The following ADGRB3 variants were observed in gnomAD, a reference collection of about 807,000 sequenced individuals.
The protein encoded by ADGRB3 is adhesion G protein-coupled receptor B3, also known as brain-specific angiogenesis inhibitor 3.
Under a neutral mutation model 193.4 loss-of-function variants are expected in ADGRB3, and 37 were observed. The ratio of observed to expected loss-of-function variants is 0.19; its 90% CI spans 0.15 to 0.25. ADGRB3 has a LOEUF of 0.25. ADGRB3 is among the 10% of genes least tolerant of loss of function. The probability of loss-of-function intolerance (pLI) is 1.00; values close to 1 mark genes in which losing one functional copy is unlikely to be tolerated. For synonymous variants in ADGRB3, 690 were observed against 644.2 expected, an observed-to-expected ratio of 1.07 and a Z score of -1.08; for missense variants, 1,637 against 1,852.9, an observed-to-expected ratio of 0.88 and a Z score of 2.14.
chr6:69,095,747 C>G (rs910835176), intron 17 of ADGRB3, among the ~76,000 whole-genome samples: 1 of 152,064 alleles, frequency 6.6e-6, no homozygotes, highest in Non-Finnish European at 1.5e-5. Flanking sequence ...AACTGAGATG[C>G]GTACTGAAAT....
intron 17 of ADGRB3, among the ~76,000 whole-genome samples, chr6:69,080,393 C>G (rs1772353352): frequency 6.6e-6 from 1 of 151,940 alleles, no homozygotes; most frequent in Non-Finnish European, 1.5e-5. Context: ...TGATAAAGCT[C>G]TTTTATATGG....
chr6:68,865,071 A>G (rs531631615), intron 3 of ADGRB3, among the ~76,000 whole-genome samples: 186 of 152,284 alleles, frequency 1.2e-3, no homozygotes, highest in African/African-American at 4.3e-3. Flanking sequence ...ATTTATTTGT[A>G]TCTCTGGTTC....
At chr6:68,756,903 A>T (rs1766308069) in intron 3 of ADGRB3, among the ~76,000 whole-genome samples, 1 of 152,126 alleles carries the variant, frequency 6.6e-6, no homozygotes, top group Admixed American at 6.6e-5. Context: ...AATATCATGT[A>T]ACATTCAGCA....
intron 17 of ADGRB3, among the ~76,000 whole-genome samples, chr6:69,171,400 T>C (rs961648233): frequency 5.3e-5 from 8 of 152,204 alleles, no homozygotes. Flanking sequence ...CCACCAAAAA[T>C]GGCCTGGCCA....
At chr6:69,141,136 GC>G (rs1561932024) in intron 17 of ADGRB3, among the ~76,000 whole-genome samples, 33 of 125,862 alleles carry the variant, frequency 2.6e-4, no homozygotes, top group South Asian at 1.4e-3. Flanking sequence ...TTTGGGGGGG[GC>G]GGTGGGGACG....
At chr6:69,196,181 A>G (rs1196839535) in intron 17 of ADGRB3, among the ~76,000 whole-genome samples, 1 of 152,122 alleles carries the variant, frequency 6.6e-6, no homozygotes, top group Non-Finnish European at 1.5e-5. Flanking sequence ...TTACTGAGGA[A>G]TACATGGGTA....
intron 2 of ADGRB3, 133 bp from the exon 3 acceptor site, chr6:68,638,528 T>C: frequency 1.1e-6 from 1 of 889,628 alleles, no homozygotes; most frequent in South Asian, 2.3e-5. Context: ...AAAATAAAAA[T>C]TACCTGCCCT....
At chr6:68,924,191 A>T (rs1767119105) in intron 3 of ADGRB3, among the ~76,000 whole-genome samples, 1 of 152,116 alleles carries the variant, frequency 6.6e-6, no homozygotes, top group Admixed American at 6.5e-5. Context: ...AGATATTAAC[A>T]TTCAATTGCA....
At chr6:69,211,014 C>T (rs552700325) in intron 17 of ADGRB3, among the ~76,000 whole-genome samples, 44 of 151,918 alleles carry the variant, frequency 2.9e-4, no homozygotes, top group Admixed American at 1.1e-3. Flanking sequence ...CCCAGCTACG[C>T]GGGAGGCTGA....
At chr6:69,235,193 A>T in intron 19 of ADGRB3, 58 bp downstream of exon 19, 2 of 1,272,014 alleles carry the variant, frequency 1.6e-6, no homozygotes, top group Non-Finnish European at 2.3e-6. Flanking sequence ...AGTTAAATCA[A>T]GGAATGTGAT....
At chr6:69,302,573 A>C (rs984386049) in intron 20 of ADGRB3, among the ~76,000 whole-genome samples, 1 of 151,964 alleles carries the variant, frequency 6.6e-6, no homozygotes, top group South Asian at 2.1e-4. Flanking sequence ...GTCTGTAATA[A>C]GCCTCTAGAT....
intron 3 of ADGRB3, among the ~76,000 whole-genome samples, chr6:68,885,706 AC>A (rs751852555): frequency 2.0e-5 from 3 of 152,164 alleles, no homozygotes; most frequent in Non-Finnish European, 4.4e-5. Context: ...GATCAAAGAT[AC>A]AAAATTTCAG....
At chr6:68,680,281 GAAAA>G (rs201739281) in intron 3 of ADGRB3, among the ~76,000 whole-genome samples, 1 of 144,522 alleles carries the variant, frequency 6.9e-6, no homozygotes, top group Non-Finnish European at 1.5e-5. Context: ...CAACTAGAAG[GAAAA>G]AAAAACCAAT....
chr6:69,183,804 T>C (rs942914805), intron 17 of ADGRB3, among the ~76,000 whole-genome samples: 5 of 152,100 alleles, frequency 3.3e-5, no homozygotes, highest in Admixed American at 1.3e-4. Flanking sequence ...TGTAAATTAA[T>C]TTCATTGACA....
chr6:69,173,649 TG>T (rs950352343), intron 17 of ADGRB3, among the ~76,000 whole-genome samples: 9 of 151,398 alleles, frequency 5.9e-5, no homozygotes, highest in South Asian at 2.1e-4. Flanking sequence ...CTTGTAGCAT[TG>T]TTTTTTTTTT....
intron 3 of ADGRB3, 45 bp downstream of exon 3, chr6:68,639,477 G>A (rs1300260922): frequency 5.3e-6 from 8 of 1,519,406 alleles, no homozygotes; most frequent in Admixed American, 2.2e-5. Context: ...AGCACTTTTG[G>A]GGGATGGAGT....
chr6:69,343,401 T>C (rs1293396914), intron 26 of ADGRB3, among the ~76,000 whole-genome samples: 1 of 147,448 alleles, frequency 6.8e-6, no homozygotes, highest in Non-Finnish European at 1.5e-5. Flanking sequence ...GATCTCATTG[T>C]TCAATTCCCA....
At chr6:69,098,987 A>G (rs1376804214) in intron 17 of ADGRB3, among the ~76,000 whole-genome samples, 1 of 152,238 alleles carries the variant, frequency 6.6e-6, no homozygotes, top group Non-Finnish European at 1.5e-5. Context: ...TTAATTTTAA[A>G]TAGCTACCTC....
chr6:69,334,768 C>T (rs1768810086), intron 24 of ADGRB3, among the ~76,000 whole-genome samples: 1 of 152,116 alleles, frequency 6.6e-6, no homozygotes, highest in South Asian at 2.1e-4. Context: ...ACAACATCGA[C>T]AATAAAATGG....
Sources: allele counts gnomAD v4.1 joint callset (sites outside exome capture counted in the v4.1 genomes callset), GRCh38; gene constraint gnomAD v4.1.1; transcripts MANE v1.5; gene names NCBI Gene and HGNC (gene_info 2026-07-23, HGNC 2026-07-21).